Variants in CNTNAP2 observed in about 807,000 individuals in gnomAD.
CNTNAP2 encodes the protein contactin-associated protein-like 2.
CNTNAP2 carries 98 observed loss-of-function variants against 155.2 expected under a neutral mutation model. That is an observed-to-expected ratio of 0.63 (90% CI 0.54 to 0.75). The LOEUF (loss-of-function observed/expected upper bound fraction) is 0.75. Among genes scored for constraint, CNTNAP2 ranks in the 30% least tolerant of loss-of-function variants. The probability of loss-of-function intolerance (pLI) is 0.00; values close to 1 mark genes in which losing one functional copy is unlikely to be tolerated. For synonymous variants in CNTNAP2, 651 were observed against 631.2 expected (o/e 1.03, Z -0.47); for missense variants, 1,727 against 1,688.1 (o/e 1.02, Z -0.40).
rs548791244 is a variant in CNTNAP2 at position 147,509,829 on chromosome 7, G to T, written c.1777+23788G>T. Among the ~76,000 whole-genome samples the T allele has an allele frequency of 3.3e-5, 5 of 152,136 alleles. No individual in the cohort carries two copies. The East Asian group carries it at 9.7e-4, about 30-fold the overall frequency. ...TTTTCTCTGCAGATTGTTTCATCTG[G>T]CAGTTAATTCCTGGGTACTTCTGGG... On this transcript the variant is annotated intron_variant, in intron 11 of 23. Transcript: ENST00000361727.
chr7:148,379,437 C>A (rs539336881), intron 21 of CNTNAP2, among the ~76,000 whole-genome samples: 2 of 152,242 alleles, frequency 1.3e-5, no homozygotes, highest in East Asian at 3.9e-4. Context: ...GGCACAGTGG[C>A]TCATGCCTAT....
intron 3 of CNTNAP2, among the ~76,000 whole-genome samples, chr7:146,893,068 T>C (rs982993708): frequency 1.3e-5 from 2 of 152,174 alleles, no homozygotes; most frequent in African/African-American, 2.4e-5. Flanking sequence ...ATATGGACTT[T>C]TGTGGTCTGA....
intron 13 of CNTNAP2, among the ~76,000 whole-genome samples, chr7:147,662,382 C>G (rs1247111253): frequency 6.6e-6 from 1 of 152,210 alleles, no homozygotes; most frequent in African/African-American, 2.4e-5. Context: ...ATTAACAGTG[C>G]ATTGCAGCTC....
intron 14 of CNTNAP2, among the ~76,000 whole-genome samples, chr7:147,905,057 GATCAA>G (rs1169512721): frequency 6.6e-6 from 1 of 152,070 alleles, no homozygotes; most frequent in Non-Finnish European, 1.5e-5. Flanking sequence ...AACAAATATT[GATCAA>G]ATACTTATGA....
intron 15 of CNTNAP2, chr7:147,978,283 A>G (rs547970542): frequency 7.4e-6 from 3 of 406,410 alleles, no homozygotes; most frequent in African/African-American, 2.0e-5. Flanking sequence ...GCATAAATGC[A>G]GTACTCAACA....
Position 146,307,412 on chromosome 7 carries a change from A to G in CNTNAP2, c.97+190439A>G, listed in dbSNP as rs376921502. On this transcript the variant is annotated intron_variant, in intron 1 of 23. Transcript: ENST00000361727. ...GAAAATTGCCATACTGCCCAAGGTAATTTATAGATTCAATGCCATCCCCAT... is the reference window on the plus strand; with the variant it reads ...GAAAATTGCCATACTGCCCAAGGTAGTTTATAGATTCAATGCCATCCCCAT... Among the ~76,000 whole-genome samples the G allele has an allele frequency of 4.6e-5, 7 of 152,302 alleles. No homozygotes were observed. The East Asian group carries it at 1.2e-3, about 25-fold the overall frequency.
chr7:147,714,615 T>C (rs970959117), intron 13 of CNTNAP2, among the ~76,000 whole-genome samples: 1 of 152,072 alleles, frequency 6.6e-6, no homozygotes, highest in Non-Finnish European at 1.5e-5. Flanking sequence ...GGAAAAGGAA[T>C]TGGATTTTTT....
At chr7:148,076,787 C>T (rs1239121484) in intron 15 of CNTNAP2, among the ~76,000 whole-genome samples, 3 of 152,038 alleles carry the variant, frequency 2.0e-5, no homozygotes, top group African/African-American at 7.2e-5. Context: ...AGTTTCATAT[C>T]TCCCCTCTTA....
chr7:146,817,910 A>T (rs1451659231), intron 2 of CNTNAP2, among the ~76,000 whole-genome samples: 1 of 152,248 alleles, frequency 6.6e-6, no homozygotes, highest in Non-Finnish European at 1.5e-5. Flanking sequence ...AACTGAAATC[A>T]GAAAAAATAA....
chr7:148,153,351 C>A (rs1805341395), intron 17 of CNTNAP2, among the ~76,000 whole-genome samples: 1 of 151,910 alleles, frequency 6.6e-6, no homozygotes, highest in Non-Finnish European at 1.5e-5. Flanking sequence ...TTGTAAGAAT[C>A]CAGAGATTAT....
chr7:147,035,867 GA>G lies in CNTNAP2; in HGVS notation c.403-8030del, dbSNP rs376900740. Among the ~76,000 whole-genome samples the G allele has an allele frequency of 8.6e-3, 978 of 113,780 alleles. 16 individuals are homozygous for G. Among genetic ancestry groups the G allele is most frequent in the African/African-American group, 0.025 (790 of 31,448 alleles). The allele number at this position is 113,780 out of a possible 152,430, so 74.6% of individuals were successfully genotyped here. A position where few individuals can be genotyped will look rare whatever the true frequency, so the allele number is the denominator to read the frequency against. On this transcript the variant is annotated intron_variant, in intron 3 of 23. Transcript: ENST00000361727. The stretch of plus-strand genomic sequence containing the variant: ...TCAAACCCCATAATAGTAAATTTGA[GA>G]AAAAAAAAATGTTAGTTCATGCATC...
intron 3 of CNTNAP2, among the ~76,000 whole-genome samples, chr7:146,911,064 A>C (rs2129216944): frequency 6.6e-6 from 1 of 152,214 alleles, no homozygotes; most frequent in Admixed American, 6.5e-5. Flanking sequence ...AATGCTCATC[A>C]TCACTGGCCA....
chr7:146,546,575 G>T (rs1476280304), intron 1 of CNTNAP2, among the ~76,000 whole-genome samples: 1 of 151,634 alleles, frequency 6.6e-6, no homozygotes, highest in Non-Finnish European at 1.5e-5. Context: ...AGTTATACTT[G>T]GTCTCAGAAA....
At chr7:146,576,656 G>T (rs1021565914) in intron 1 of CNTNAP2, among the ~76,000 whole-genome samples, 1 of 152,156 alleles carries the variant, frequency 6.6e-6, no homozygotes, top group Non-Finnish European at 1.5e-5. Context: ...TAAACTCCCA[G>T]GTCAGAAAAT....
intron 18 of CNTNAP2, among the ~76,000 whole-genome samples, chr7:148,208,348 G>C (rs10254641): frequency 3.9e-5 from 6 of 151,908 alleles, no homozygotes; most frequent in Non-Finnish European, 8.8e-5. Flanking sequence ...GCTTGAGTTT[G>C]GGTTTCCCAT....
rs952826578 is a variant in CNTNAP2 at position 146,267,365 on chromosome 7, T to A, written c.97+150392T>A. Among the ~76,000 whole-genome samples, 8 of 152,184 alleles carry A rather than the reference T, an allele frequency of 5.3e-5. 1 individual carries two copies. In the South Asian group the frequency reaches 1.0e-3, roughly 20 times the overall value. ...TCTAGGCCATGTGTTATTTCTGTAT[T>A]TACGTAGTCTTCTCTGTGTAATTAG... On this transcript the variant is annotated intron_variant, in intron 1 of 23. Coordinates refer to ENST00000361727, the MANE Select transcript of CNTNAP2 (RefSeq NM_014141.6).
At chr7:146,220,171 A>G (rs1799183081) in intron 1 of CNTNAP2, among the ~76,000 whole-genome samples, 1 of 152,158 alleles carries the variant, frequency 6.6e-6, no homozygotes, top group African/African-American at 2.4e-5. Flanking sequence ...GGAGCTGACA[A>G]ATTTGTCAGG....
intron 15 of CNTNAP2, among the ~76,000 whole-genome samples, chr7:148,026,062 G>A (rs956172582): frequency 2.6e-5 from 4 of 152,132 alleles, no homozygotes; most frequent in African/African-American, 9.7e-5. Flanking sequence ...GGCAGAGGTT[G>A]GACCCTTGTC....
At position 147,903,625 on chromosome 7, in the gene CNTNAP2, G is replaced by C. The variant is rs778653497; in HGVS notation, c.2159G>C (p.Gly720Ala). The C allele has an allele frequency of 6.2e-7, 1 of 1,614,036 alleles. No homozygotes were observed. Among genetic ancestry groups the C allele is most frequent in the African/African-American group, 1.3e-5 (1 of 74,934 alleles). ...KANEKHYYWG[G>A]SGPGIQKCAC... ...AACGAGAAGCACTACTACTGGGGAG[G>C]CTCTGGGCCTGGAATCCAGAAATGT... Residue 720 changes from glycine to alanine, a missense_variant, in exon 14 of 24, where the codon GGC becomes GCC. By Grantham distance (60) the Gly-to-Ala change is moderately conservative (BLOSUM62 0). Coordinates refer to ENST00000361727, the MANE Select transcript of CNTNAP2 (RefSeq NM_014141.6).
Sources: gnomAD v4.1 joint callset for allele counts (sites outside exome capture counted in the v4.1 genomes callset) on GRCh38, gnomAD v4.1.1 for gene constraint, MANE v1.5 for transcripts, NCBI Gene and HGNC (gene_info 2026-07-23, HGNC 2026-07-21) for gene names.